The following AGAP1 variants were observed in gnomAD, a reference collection of about 807,000 sequenced individuals.
AGAP1 encodes the protein arf-GAP with GTPase, ANK repeat and PH domain-containing protein 1.
AGAP1 carries 29 observed loss-of-function variants against 105.3 expected under a neutral mutation model. The observed-to-expected ratio is 0.28, with a 90% CI of 0.21 to 0.38. The LOEUF is 0.38. Ranked by LOEUF, AGAP1 falls within the 10% of genes least tolerant of loss-of-function variation. AGAP1 has a pLI of 1.00. For missense variants in AGAP1, 998 were observed against 1,165.1 expected (o/e 0.86, Z 2.09); for synonymous variants, 509 against 485.9 (o/e 1.05, Z -0.63).
At chr2:235,935,344 G>A (rs897987366) in intron 12 of AGAP1, among the ~76,000 whole-genome samples, 1 of 152,134 alleles carries the variant, frequency 6.6e-6, no homozygotes, top group Non-Finnish European at 1.5e-5. Flanking sequence ...TTTAAATGCA[G>A]AAACATATTC....
At position 235,889,120 on chromosome 2, in the gene AGAP1, G is replaced by A. The variant is rs977164891; in HGVS notation, c.1155+5671G>A. 6.6e-6 allele frequency among the ~76,000 whole-genome samples: 1 copy of A among 152,178 alleles called. No homozygotes were observed. Among genetic ancestry groups the A allele is most frequent in the Admixed American group, 6.5e-5 (1 of 15,286 alleles). On this transcript the variant is annotated intron_variant, in intron 10 of 17. Transcript: ENST00000304032. The surrounding 1 kb of genome is among the most constrained non-coding windows in gnomAD (Gnocchi z 4.6). Reference sequence around the variant, plus strand: ...ACACGAACTTCAAGTATCAGTCCCAGACAGATGTTTTCCACACATCGGTGT... The same window carrying A: ...ACACGAACTTCAAGTATCAGTCCCAAACAGATGTTTTCCACACATCGGTGT...
chr2:235,503,312 C>G (rs1396992843), intron 1 of AGAP1, among the ~76,000 whole-genome samples: 1 of 152,214 alleles, frequency 6.6e-6, no homozygotes, highest in Non-Finnish European at 1.5e-5. Flanking sequence ...GGAAGCCTGT[C>G]TGCACCCCCT....
Position 235,732,154 on chromosome 2 carries a change from G to A in AGAP1, c.311-8809G>A, listed in dbSNP as rs183964961. 6.4e-4 allele frequency among the ~76,000 whole-genome samples: 98 copies of A among 152,198 alleles called. No homozygotes were observed. Among genetic ancestry groups the A allele is most frequent in the African/African-American group, 1.8e-3 (74 of 41,532 alleles). ...GAACATTCCTTTGTCTTTTATCTTC[G>A]AATAGTCTTTGAGTTCTTTTGTTGT... On this transcript the variant is annotated intron_variant, in intron 3 of 17. Transcript: ENST00000304032. The surrounding 1 kb of genome is among the most constrained non-coding windows in gnomAD (Gnocchi z 4.8).
Position 235,904,961 on chromosome 2 carries a change from C to A in AGAP1, c.1156-3777C>A, listed in dbSNP as rs974466576. ...ATATAAGAATTGGCTATTTTAAATA[C>A]CGATTTTATTTATTTTTTTTTTTTA... On this transcript the variant is annotated intron_variant, in intron 10 of 17. Coordinates refer to ENST00000304032, the MANE Select transcript of AGAP1 (RefSeq NM_001037131.3). This position sits in a 1 kb window ranked among gnomAD's most constrained non-coding sequence, Gnocchi z 4.2. Among the ~76,000 whole-genome samples, 39 of 151,914 alleles carry A rather than the reference C, an allele frequency of 2.6e-4. No individual in the cohort carries two copies. The highest frequency in any genetic ancestry group is 9.4e-4 in the African/African-American group (39 of 41,344).
At chr2:235,497,989 C>A (rs79685830) in intron 1 of AGAP1, among the ~76,000 whole-genome samples, 1 of 152,126 alleles carries the variant, frequency 6.6e-6, no homozygotes, top group African/African-American at 2.4e-5. Context: ...CTCAAAACTT[C>A]ACTGTTTTCT....
At chr2:235,761,912 C>A (rs1260615318) in intron 6 of AGAP1, among the ~76,000 whole-genome samples, 2 of 151,904 alleles carry the variant, frequency 1.3e-5, no homozygotes, top group Non-Finnish European at 2.9e-5. Flanking sequence ...GAGTTCAAGA[C>A]CAGCCTGGCC....
At chr2:235,798,693 C>T (rs542202664) in intron 7 of AGAP1, among the ~76,000 whole-genome samples, 9 of 151,948 alleles carry the variant, frequency 5.9e-5, no homozygotes, top group Admixed American at 2.0e-4. Context: ...GCCTGGGCAA[C>T]GTGGCAGAAC....
At chr2:235,680,156 C>A (rs10929146) in intron 1 of AGAP1, among the ~76,000 whole-genome samples, 34,400 of 152,196 alleles carry the variant, frequency 0.23, 4,228 homozygotes, top group East Asian at 0.39. Flanking sequence ...CCTGGCTGAC[C>A]TTCCTTGTGG....
rs762360898 is a variant in AGAP1 at position 235,635,228 on chromosome 2, A to G, written c.164-73951A>G. Among the ~76,000 whole-genome samples the G allele has an allele frequency of 1.3e-5, 2 of 152,126 alleles. No individual in the cohort carries two copies. The highest frequency in any genetic ancestry group is 1.3e-4 in the Admixed American group (2 of 15,274). On this transcript the variant is annotated intron_variant, in intron 1 of 17. Coordinates refer to ENST00000304032, the MANE Select transcript of AGAP1 (RefSeq NM_001037131.3). This position sits in a 1 kb window ranked among gnomAD's most constrained non-coding sequence, Gnocchi z 5.3. ...GTGTGTGGCAGCAGTGGGTCGGTCA[A>G]ACCTTTCCAAGCCTCCGTGTCCTCA...
At chr2:235,678,647 T>G (rs1948887526) in intron 1 of AGAP1, among the ~76,000 whole-genome samples, 1 of 152,112 alleles carries the variant, frequency 6.6e-6, no homozygotes, top group African/African-American at 2.4e-5. Context: ...TTGTACCTGG[T>G]CTTCTCTCAG....
In AGAP1 at chr2:235,665,374, C is replaced by T. The variant is rs1948093444; in HGVS notation, c.164-43805C>T. 6.6e-6 allele frequency among the ~76,000 whole-genome samples: 1 copy of T among 152,170 alleles called. No homozygotes were observed. The highest frequency in any genetic ancestry group is 1.5e-5 in the Non-Finnish European group (1 of 68,030). ...CAGACAGACCATACTTGTCCTTCCTCCACTAGCAGATAAGGGTCAAGTCCT... is the reference window on the plus strand; with the variant it reads ...CAGACAGACCATACTTGTCCTTCCTTCACTAGCAGATAAGGGTCAAGTCCT... On this transcript the variant is annotated intron_variant, in intron 1 of 17. Transcript: ENST00000304032. This position sits in a 1 kb window ranked among gnomAD's most constrained non-coding sequence, Gnocchi z 5.3.
At chr2:235,591,652 A>G (rs1945342132) in intron 1 of AGAP1, among the ~76,000 whole-genome samples, 1 of 152,160 alleles carries the variant, frequency 6.6e-6, no homozygotes, top group Non-Finnish European at 1.5e-5. Context: ...CAGTGTTGGA[A>G]GCGAGGCCTA....
chr2:236,018,972 C>T (rs780027665), intron 13 of AGAP1, among the ~76,000 whole-genome samples: 3 of 152,226 alleles, frequency 2.0e-5, no homozygotes, highest in East Asian at 1.9e-4. Context: ...GATACAGCTT[C>T]GCGCCTCAGG....
Position 236,109,118 on chromosome 2 carries a change from T to A in AGAP1, c.2115-11074T>A, listed in dbSNP as rs1296628225. Among the ~76,000 whole-genome samples the A allele has an allele frequency of 2.6e-5, 4 of 152,028 alleles. No homozygotes were observed. In the South Asian group the frequency reaches 6.2e-4, roughly 24 times the overall value. ...AGACAGCATTTCTCTCTGAAGGTAG[T>A]TGTGTGTAGGTGTGACTCTCCCCGC... On this transcript the variant is annotated intron_variant, in intron 16 of 17. Transcript: ENST00000304032. This position sits in a 1 kb window ranked among gnomAD's most constrained non-coding sequence, Gnocchi z 5.4.
At chr2:235,892,510 A>G (rs1442050273) in intron 10 of AGAP1, among the ~76,000 whole-genome samples, 3 of 152,018 alleles carry the variant, frequency 2.0e-5, no homozygotes, top group Non-Finnish European at 4.4e-5. Context: ...CCACTTCTTT[A>G]CTGATGTAAA....
intron 3 of AGAP1, among the ~76,000 whole-genome samples, chr2:235,726,896 C>A (rs1416790725): frequency 6.6e-6 from 1 of 152,142 alleles, no homozygotes; most frequent in African/African-American, 2.4e-5. Context: ...ACCCTAATCT[C>A]CTGATGCACT....
In AGAP1 at chr2:235,970,392, C is replaced by T. The variant is rs758448471; in HGVS notation, c.1645+1769C>T. ...TGTTGGTAAGACTCCTTCAGACAAC[C>T]GTTGGGCAAAAATCACCCTGCCAAG... is the stretch of plus-strand genomic sequence containing the variant. On this transcript the variant is annotated intron_variant, in intron 13 of 17. Coordinates refer to ENST00000304032, the MANE Select transcript of AGAP1 (RefSeq NM_001037131.3). This position sits in a 1 kb window ranked among gnomAD's most constrained non-coding sequence, Gnocchi z 5.4. Among the ~76,000 whole-genome samples the T allele has an allele frequency of 4.6e-5, 7 of 152,058 alleles. No homozygotes were observed. Among genetic ancestry groups the T allele is most frequent in the Non-Finnish European group, 8.8e-5 (6 of 68,026 alleles).
chr2:236,049,733 T>C (rs1214047032), intron 16 of AGAP1: 1 of 154,098 alleles, frequency 6.5e-6, no homozygotes. Context: ...TTTTATTTTC[T>C]AAAATATATC....
intron 1 of AGAP1, among the ~76,000 whole-genome samples, chr2:235,702,934 G>GTTTTTTTTTTGTTTTTTTTTTTTTT (rs1553609551): frequency 1.1e-5 from 1 of 88,946 alleles, no homozygotes; most frequent in East Asian, 5.8e-4. Flanking sequence ...AGTTTTCTTG[G>GTTTTTTTTTTGTTTTTTTTTTTTTT]TTTTTTTTTT....
Sources: gnomAD v4.1 joint callset for allele counts (sites outside exome capture counted in the v4.1 genomes callset) on GRCh38, gnomAD v4.1.1 for gene constraint, Gnocchi (gnomAD v3.1) non-coding constraint, MANE v1.5 for transcripts, NCBI Gene and HGNC (gene_info 2026-07-23, HGNC 2026-07-21) for gene names.